The following FCAMR variants were observed in gnomAD, a reference collection of about 807,000 sequenced individuals.
The protein encoded by FCAMR is high affinity immunoglobulin alpha and immunoglobulin mu Fc receptor.
Under a neutral mutation model 52.2 loss-of-function variants are expected in FCAMR, and 51 were observed. That is an observed-to-expected ratio of 0.98 (90% CI 0.78 to 1.23). The LOEUF (loss-of-function observed/expected upper bound fraction) is 1.23. Ranked by LOEUF, FCAMR falls within the 50% of genes most tolerant of loss-of-function variation. FCAMR has a pLI of 0.00. For synonymous variants in FCAMR, 282 were observed against 262.0 expected (o/e 1.08, Z -0.74); for missense variants, 719 against 712.6 (o/e 1.01, Z -0.10).
In FCAMR at chr1:206,959,715, C is replaced by A. The variant is rs781646743; in HGVS notation, c.1537G>T (p.Val513Phe). 6.2e-7 allele frequency: 1 copy of A among 1,614,074 alleles called. No individual in the cohort carries two copies. Among genetic ancestry groups the A allele is most frequent in the Non-Finnish European group, 8.5e-7 (1 of 1,180,002 alleles). The change falls in exon 7 of 8, where the codon GTT (valine) becomes TTT (phenylalanine). Residue 513 changes from valine to phenylalanine, a missense_variant. Transcript: ENST00000324852. ...MLALFMLMALVLLQRKLWRRR... is the reference protein window; with the variant it reads ...MLALFMLMALFLLQRKLWRRR... ...CTCCAGAGCTTCCTTTGCAATAGAA[C>A]CAGAGCCATAAGCATAAACAGGGCC...
chr1:206,970,358 C>T lies in FCAMR; in HGVS notation c.-233G>A. The T allele has an allele frequency of 3.9e-6, 2 of 511,646 alleles. No homozygotes were observed. Among genetic ancestry groups the T allele is most frequent in the South Asian group, 5.2e-5 (2 of 38,696 alleles). 31.7% of individuals were successfully genotyped at this position (511,646 alleles called of 1,614,324 possible). A position where few individuals can be genotyped will look rare whatever the true frequency, so the allele number is the denominator to read the frequency against. Reference sequence around the variant, plus strand: ...TTTATAAGAGGAAGCCAGTCCTAATCCCTTGTCATTCTTACTGTCACTTAT... The same window carrying T: ...TTTATAAGAGGAAGCCAGTCCTAATTCCTTGTCATTCTTACTGTCACTTAT... On this transcript the variant is annotated 5_prime_UTR_variant, in exon 1 of 8. Coordinates refer to ENST00000324852, the MANE Select transcript of FCAMR (RefSeq NM_001170631.2).
rs554420147 is a variant in FCAMR at position 206,966,600 on chromosome 1, G to C, written c.169+452C>G. Among the ~76,000 whole-genome samples the C allele has an allele frequency of 2.7e-4, 41 of 152,278 alleles. No individual in the cohort carries two copies. In the Middle Eastern group the frequency reaches 0.01, roughly 38 times the overall value. ...AGGGTTTCACCATGTTGCTCTGGCT[G>C]GTGTCGAACTCCTGACCTTGTGATC... On this transcript the variant is annotated intron_variant, in intron 3 of 7. Coordinates refer to ENST00000324852, the MANE Select transcript of FCAMR (RefSeq NM_001170631.2).
intron 4 of FCAMR, among the ~76,000 whole-genome samples, chr1:206,962,997 C>T (rs1680570607): frequency 6.6e-6 from 1 of 152,006 alleles, no homozygotes; most frequent in Admixed American, 6.5e-5. Flanking sequence ...CATCAAAAGA[C>T]AAAAATATTC....
In FCAMR at chr1:206,970,270, A is replaced by G. The variant is rs575492887; in HGVS notation, c.-145T>C. On this transcript the variant is annotated 5_prime_UTR_variant, in exon 1 of 8. Transcript: ENST00000324852. The stretch of plus-strand genomic sequence containing the variant: ...GAAAGCAGCTGGAGCTAGCAACGGA[A>G]GGTCGGGGTGCAAGGCGTAGCTCTG... 3.2e-4 allele frequency: 274 copies of G among 843,812 alleles called. No homozygotes were observed. The African/African-American group carries it at 4.3e-3, about 13-fold the overall frequency. 52.3% of individuals were successfully genotyped at this position (843,812 alleles called of 1,614,324 possible).
At chr1:206,969,621 C>G (rs1317977727) in intron 1 of FCAMR, among the ~76,000 whole-genome samples, 1 of 152,184 alleles carries the variant, frequency 6.6e-6, no homozygotes, top group African/African-American at 2.4e-5. Flanking sequence ...TACTGGCCCT[C>G]CGAGCCCCAG....
At chr1:206,964,732 A>G (rs369898501) in intron 4 of FCAMR, among the ~76,000 whole-genome samples, 1 of 152,102 alleles carries the variant, frequency 6.6e-6, no homozygotes, top group Non-Finnish European at 1.5e-5. Flanking sequence ...TCTTTTCTTT[A>G]TAAATTACCC....
At chr1:206,961,251 T>C in intron 5 of FCAMR, 28 bp from the exon 6 acceptor site, 2 of 1,490,856 alleles carry the variant, frequency 1.3e-6, no homozygotes, top group Non-Finnish European at 1.8e-6. Context: ...GGAGGCCACA[T>C]GGGAAGGCTG....
chr1:206,958,941 C>T (rs890450173), intron 7 of FCAMR: 28 of 607,960 alleles, frequency 4.6e-5, no homozygotes, highest in African/African-American at 1.8e-4. Context: ...AGAGCCCTCA[C>T]TTTAAGAGTA....
chr1:206,967,673 G>GT (rs1558028204), intron 1 of FCAMR, 22 bp from the exon 2 acceptor site: 5 of 1,612,168 alleles, frequency 3.1e-6, no homozygotes, highest in African/African-American at 1.3e-5. Flanking sequence ...AGGGGAATTG[G>GT]TTTTTTCAAG....
chr1:206,961,658 C>T (rs1003461312), intron 5 of FCAMR, among the ~76,000 whole-genome samples: 4 of 152,274 alleles, frequency 2.6e-5, no homozygotes, highest in African/African-American at 9.6e-5. Context: ...TCCTGTCATG[C>T]TGTCTCCTCT....
chr1:206,959,521 A>G (rs1680407235), intron 7 of FCAMR, among the ~76,000 whole-genome samples, 158 bp downstream of exon 7: 1 of 151,992 alleles, frequency 6.6e-6, no homozygotes, highest in Non-Finnish European at 1.5e-5. Flanking sequence ...AAAGAAAGAA[A>G]GAAAAGAAAC....
chr1:206,967,515 T>G, intron 2 of FCAMR, 68 bp downstream of exon 2: 1 of 1,516,436 alleles, frequency 6.6e-7, no homozygotes, highest in Non-Finnish European at 9.1e-7. Context: ...GGAAGGTTAG[T>G]CTCAGGGATT....
In FCAMR at chr1:206,958,531, T is replaced by C; in HGVS notation, c.1719A>G (p.Arg573=). 1 of 1,612,448 alleles carries C rather than the reference T, an allele frequency of 6.2e-7. No individual in the cohort carries two copies. The highest frequency in any genetic ancestry group is 8.5e-7 in the Non-Finnish European group (1 of 1,179,742). The change falls in exon 8 of 8, where the codon AGA becomes AGG. Residue 573 remains arginine, a synonymous_variant. Coordinates refer to ENST00000324852, the MANE Select transcript of FCAMR (RefSeq NM_001170631.2). ...TCTCTGTCCCTCAGGGTCCTGGATT[T>C]CTCTCTGGGGCAGTCAGGCTGGCCC... is the stretch of plus-strand genomic sequence containing the variant. ...PAGASLTAPE[R]NPGP
At chr1:206,965,986 A>C in intron 3 of FCAMR, 128 bp from the exon 4 acceptor site, 2 of 1,289,940 alleles carry the variant, frequency 1.6e-6, no homozygotes, top group Middle Eastern at 2.0e-4. Context: ...CCATCCATCA[A>C]GTAAGAGCTG....
At chr1:206,967,478 A>G in intron 2 of FCAMR, 105 bp downstream of exon 2, 1 of 1,280,542 alleles carries the variant, frequency 7.8e-7, no homozygotes, top group Non-Finnish European at 1.1e-6. Flanking sequence ...TTTGAAGTCC[A>G]AACTCTAGTT....
Position 206,965,818 on chromosome 1 carries a change from T to A in FCAMR, c.210A>T (p.Arg70Ser). 1 of 1,601,904 alleles carries A rather than the reference T, an allele frequency of 6.2e-7. No homozygotes were observed. ...FALPQKRPHP[R>S]WLWEGSLPSR... is the part of the protein sequence containing the mutation. ...AGGGGAGAGAGCCCTCCCACAGCCA[T>A]CTCGGATGGGGTCTTTTTTGTGGAA... Residue 70 changes from arginine to serine, a missense_variant, in exon 4 of 8, where the codon AGA (arginine) becomes AGT (serine). By Grantham distance (110) the Arg-to-Ser change is moderately radical. Coordinates refer to ENST00000324852, the MANE Select transcript of FCAMR (RefSeq NM_001170631.2).
At chr1:206,958,993 C>T (rs1448428515) in intron 7 of FCAMR, 4 of 520,508 alleles carry the variant, frequency 7.7e-6, no homozygotes, top group African/African-American at 7.7e-5. Flanking sequence ...TTTAGCTGGG[C>T]TTTGCCAAAG....
At position 206,965,827 on chromosome 1, in the gene FCAMR, G is replaced by T. The variant is rs1307092676; in HGVS notation, c.201C>A (p.Pro67=). 1 of 1,606,788 alleles carries T rather than the reference G, an allele frequency of 6.2e-7. No homozygotes were observed. Among genetic ancestry groups the T allele is most frequent in the Non-Finnish European group, 8.5e-7 (1 of 1,176,748 alleles). The change falls in exon 4 of 8, where the codon CCC becomes CCA. Residue 67 remains proline, a synonymous_variant. Coordinates refer to ENST00000324852, the MANE Select transcript of FCAMR (RefSeq NM_001170631.2). ...AGCCCTCCCACAGCCATCTCGGATG[G>T]GGTCTTTTTTGTGGAAGGGCGAAAG... ...GSSFALPQKR[P]HPRWLWEGSL...
intron 5 of FCAMR, among the ~76,000 whole-genome samples, chr1:206,961,533 C>A (rs1680507832): frequency 6.6e-6 from 1 of 152,212 alleles, no homozygotes; most frequent in Non-Finnish European, 1.5e-5. Flanking sequence ...CACCGCCCAG[C>A]AGGTATTGTT....
Sources: allele counts gnomAD v4.1 joint callset (sites outside exome capture counted in the v4.1 genomes callset), GRCh38; gene constraint gnomAD v4.1.1; transcripts MANE v1.5; gene names NCBI Gene and HGNC (gene_info 2026-07-23, HGNC 2026-07-21).